SLIT3: variants seen among roughly 807,000 people sequenced by gnomAD.
The protein encoded by SLIT3 is slit guidance ligand 3, also known as slit homolog 3 protein.
A neutral mutation model predicts 184.0 loss-of-function variants in SLIT3; 68 were observed. The observed-to-expected ratio is 0.37, with a 90% CI of 0.30 to 0.45. The LOEUF is 0.45. Among genes scored for constraint, SLIT3 ranks in the 20% least tolerant of loss-of-function variants. SLIT3 has a pLI of 1.00. For missense variants in SLIT3, 1,707 were observed against 2,026.0 expected, an observed-to-expected ratio of 0.84 and a Z score of 3.02; for synonymous variants, 831 against 828.6, an observed-to-expected ratio of 1.00 and a Z score of -0.05.
intron 4 of SLIT3, among the ~76,000 whole-genome samples, chr5:168,907,778 A>G (rs1390360668): frequency 6.6e-6 from 1 of 151,626 alleles, no homozygotes; most frequent in African/African-American, 2.4e-5. Context: ...TGGATAAATT[A>G]TCTGTTTATA....
chr5:169,185,436 G>C (rs1402438993), intron 4 of SLIT3, among the ~76,000 whole-genome samples: 4 of 152,194 alleles, frequency 2.6e-5, no homozygotes, highest in African/African-American at 4.8e-5. Context: ...CTTCAGGCAG[G>C]GGGGCAGCCT....
In SLIT3 at chr5:168,666,299, T is replaced by G. The variant is rs1365870502; in HGVS notation, c.*155A>C. On this transcript the variant is annotated 3_prime_UTR_variant, in exon 36 of 36. Transcript: ENST00000519560. ...TTTCCATAATAAAAATAAGTTCTATTTTTTGTTTATTTTACAATATACTTA... is the reference window on the plus strand; with the variant it reads ...TTTCCATAATAAAAATAAGTTCTATGTTTTGTTTATTTTACAATATACTTA... 14 of 638,110 alleles carry G rather than the reference T, an allele frequency of 2.2e-5. No individual in the cohort carries two copies. The East Asian group carries it at 3.9e-4, about 18-fold the overall frequency. 39.5% of individuals were successfully genotyped at this position (638,110 alleles called of 1,614,324 possible). A position where few individuals can be genotyped will look rare whatever the true frequency, so the allele number is the denominator to read the frequency against.
At chr5:169,181,207 T>A (rs73315699) in intron 4 of SLIT3, among the ~76,000 whole-genome samples, 1 of 152,182 alleles carries the variant, frequency 6.6e-6, no homozygotes, top group Non-Finnish European at 1.5e-5. Context: ...TAAAGTGAAA[T>A]TATATCTGTG....
At chr5:169,102,598 T>C (rs1469710594) in intron 4 of SLIT3, among the ~76,000 whole-genome samples, 1 of 152,200 alleles carries the variant, frequency 6.6e-6, no homozygotes, top group East Asian at 1.9e-4. Context: ...CCAAATACTT[T>C]TGATCTGCAG....
rs1448390831 is a variant in SLIT3 at position 168,662,106 on chromosome 5, G to A, written c.*4348C>T. On this transcript the variant is annotated 3_prime_UTR_variant, in exon 36 of 36. Coordinates refer to ENST00000519560, the MANE Select transcript of SLIT3 (RefSeq NM_003062.4). ...CTTCCCCATCATGTGGGGACCATCT[G>A]CCTGGACATCCACTGTGGGGTAGCA... 1.3e-5 allele frequency: 2 copies of A among 152,228 alleles called. No homozygotes were observed. The highest frequency in any genetic ancestry group is 3.9e-4 in the East Asian group (2 of 5,184). 9.4% of individuals were successfully genotyped at this position (152,228 alleles called of 1,614,324 possible).
chr5:168,829,792 T>C (rs1424119172), intron 6 of SLIT3, among the ~76,000 whole-genome samples: 1 of 152,222 alleles, frequency 6.6e-6, no homozygotes, highest in African/African-American at 2.4e-5. Flanking sequence ...GGCCGGACCC[T>C]GTGAGAAACA....
At position 168,813,906 on chromosome 5, in the gene SLIT3, C is replaced by G. The variant is rs1014327882; in HGVS notation, c.793+3394G>C. On this transcript the variant is annotated intron_variant, in intron 8 of 35. Coordinates refer to ENST00000519560, the MANE Select transcript of SLIT3 (RefSeq NM_003062.4). ...GCTCAGGGAGCTTTTCTTATGCTGC[C>G]TGGATGGGGACTGCTGGTGATGAAG... Among the ~76,000 whole-genome samples, 10 of 152,182 alleles carry G rather than the reference C, an allele frequency of 6.6e-5. 1 individual carries two copies. Among genetic ancestry groups the G allele is most frequent in the Non-Finnish European group, 1.0e-4 (7 of 68,034 alleles).
chr5:169,134,142 G>A (rs934864802), intron 4 of SLIT3, among the ~76,000 whole-genome samples: 1 of 152,148 alleles, frequency 6.6e-6, no homozygotes, highest in African/African-American at 2.4e-5. Context: ...CCTATTCCAC[G>A]CTTATCTGCT....
intron 1 of SLIT3, among the ~76,000 whole-genome samples, chr5:169,290,216 C>T (rs996327524): frequency 2.4e-4 from 37 of 151,586 alleles, no homozygotes; most frequent in African/African-American, 8.7e-4. Context: ...CTAGGGCACA[C>T]GCTAGGGTGC....
At chr5:168,960,730 T>G (rs1030956177) in intron 4 of SLIT3, among the ~76,000 whole-genome samples, 1 of 152,214 alleles carries the variant, frequency 6.6e-6, no homozygotes, top group African/African-American at 2.4e-5. Context: ...ATGCTAAGAT[T>G]CTAAGGCAGG....
chr5:169,099,907 C>G (rs1480112259), intron 4 of SLIT3, among the ~76,000 whole-genome samples: 1 of 152,222 alleles, frequency 6.6e-6, no homozygotes, highest in Non-Finnish European at 1.5e-5. Context: ...CTGGAAGAGG[C>G]AGGTCCAGGC....
At chr5:169,272,786 C>T (rs1766673134) in intron 1 of SLIT3, among the ~76,000 whole-genome samples, 1 of 152,208 alleles carries the variant, frequency 6.6e-6, no homozygotes, top group African/African-American at 2.4e-5. Flanking sequence ...ACATTGGCTC[C>T]AGTAAAATTG....
chr5:169,099,498 C>T (rs959484748), intron 4 of SLIT3, among the ~76,000 whole-genome samples: 1 of 152,238 alleles, frequency 6.6e-6, no homozygotes, highest in African/African-American at 2.4e-5. Flanking sequence ...CTACTGTGTG[C>T]TCTTCACAGT....
At chr5:168,783,396 T>C (rs188899781) in intron 12 of SLIT3, among the ~76,000 whole-genome samples, 142 of 148,846 alleles carry the variant, frequency 9.5e-4, no homozygotes, top group African/African-American at 3.3e-3. Flanking sequence ...GCAAGTTTGA[T>C]AGGATGGCCA....
intron 4 of SLIT3, among the ~76,000 whole-genome samples, chr5:168,984,601 C>T (rs1327446651): frequency 2.0e-5 from 3 of 152,164 alleles, no homozygotes; most frequent in African/African-American, 7.2e-5. Flanking sequence ...GGCCTAATGA[C>T]CTCTTGCTGT....
intron 1 of SLIT3, among the ~76,000 whole-genome samples, chr5:169,275,167 C>T (rs991701367): frequency 1.6e-4 from 24 of 152,298 alleles, no homozygotes; most frequent in African/African-American, 5.8e-4. Context: ...TTGGTACTTA[C>T]ACACAGGTGG....
chr5:169,187,311 C>T (rs1418854764), intron 4 of SLIT3, among the ~76,000 whole-genome samples: 2 of 151,938 alleles, frequency 1.3e-5, no homozygotes, highest in East Asian at 3.9e-4. Context: ...CAGGGTTTCA[C>T]CATGTTGGCC....
chr5:168,800,333 C>A (rs1195931760), intron 9 of SLIT3, among the ~76,000 whole-genome samples: 2 of 152,306 alleles, frequency 1.3e-5, no homozygotes, highest in South Asian at 2.1e-4. Context: ...CGCCTGTAAT[C>A]CCAGCACTTT....
At chr5:169,134,380 T>C (rs1206300742) in intron 4 of SLIT3, among the ~76,000 whole-genome samples, 1 of 152,184 alleles carries the variant, frequency 6.6e-6, no homozygotes, top group African/African-American at 2.4e-5. Context: ...GTTCAAGTCT[T>C]CTTGGACCCA....
Sources: allele counts gnomAD v4.1 joint callset (sites outside exome capture counted in the v4.1 genomes callset), GRCh38; gene constraint gnomAD v4.1.1; transcripts MANE v1.5; gene names NCBI Gene and HGNC (gene_info 2026-07-23, HGNC 2026-07-21).